The following FUS variants were observed in gnomAD, a reference collection of about 807,000 sequenced individuals.
The protein encoded by FUS is FUS RNA binding protein, also known as RNA-binding protein FUS.
A neutral mutation model predicts 82.7 loss-of-function variants in FUS; 5 were observed. That is an observed-to-expected ratio of 0.06 (90% confidence interval 0.03 to 0.13). The LOEUF (loss-of-function observed/expected upper bound fraction) is 0.13. Among genes scored for constraint, FUS ranks in the 10% least tolerant of loss-of-function variants. The probability of loss-of-function intolerance (pLI) is 1.00; values close to 1 mark genes in which losing one functional copy is unlikely to be tolerated. For synonymous variants in FUS, 281 were observed against 247.4 expected (o/e 1.14, Z -1.27); for missense variants, 512 against 707.8 (o/e 0.72, Z 3.14).
rs1291529679 is a variant in FUS, at chr16:31,191,108, C to T, written c.1539C>T (p.Ser513=). The T allele has an allele frequency of 8.7e-6, 14 of 1,612,512 alleles. No homozygotes were observed. Among genetic ancestry groups the T allele is most frequent in the Non-Finnish European group, 1.2e-5 (14 of 1,179,948 alleles). Reference sequence around the variant, plus strand: ...GCTTTGGCCCTGGCAAGATGGATTCCAGGTAAGACTTTAAATCAGAATAAA... The same window carrying T: ...GCTTTGGCCCTGGCAAGATGGATTCTAGGTAAGACTTTAAATCAGAATAAA... The part of the protein sequence containing the change: ...RGGFGPGKMD[S]RGEHRQDRRE... Residue 513 remains serine, a splice_region_variant and synonymous_variant, in exon 14 of 15, where the codon TCC becomes TCT. Coordinates refer to ENST00000254108, the MANE Select transcript of FUS (RefSeq NM_004960.4).
chr16:31,185,391 T>TA lies in FUS; in HGVS notation c.764+213dup, dbSNP rs938204494. ...CTGAACTCCCATCCATACCACTGAATAGAGATTTTGAGTAATGATACTTGT... is the reference window on the plus strand; with the variant it reads ...CTGAACTCCCATCCATACCACTGAATAAGAGATTTTGAGTAATGATACTTGT... On this transcript the variant is annotated intron_variant, in intron 6 of 14. Transcript: ENST00000254108. 10 of 644,378 alleles carry TA rather than the reference T, an allele frequency of 1.6e-5. No homozygotes were observed. The African/African-American group carries it at 1.6e-4, about 11-fold the overall frequency. The allele number at this position is 644,378 out of a possible 1,614,324, so 39.9% of individuals were successfully genotyped here. A position where few individuals can be genotyped will look rare whatever the true frequency, so the allele number is the denominator to read the frequency against.
At chr16:31,194,133 G>T (rs1439919832), downstream of FUS, 2 of 532,306 alleles carry the variant, frequency 3.8e-6, no homozygotes, top group Non-Finnish European at 7.3e-6. Flanking sequence ...TCCCCATCTT[G>T]TGCCGGGCCT....
chr16:31,187,705 T>C (rs2079290730), intron 7 of FUS: 2 of 234,562 alleles, frequency 8.5e-6, no homozygotes, highest in East Asian at 1.2e-4. Context: ...AAAGATGGTC[T>C]CTGGAAAAAC....
At chr16:31,181,584 CAA>C (rs2079179589) in intron 1 of FUS, among the ~76,000 whole-genome samples, 1 of 152,112 alleles carries the variant, frequency 6.6e-6, no homozygotes, top group Non-Finnish European at 1.5e-5. Flanking sequence ...CGGGATTGGT[CAA>C]AGAGTGAAGA....
chr16:31,186,774 G>A (rs1450112131), intron 6 of FUS, 28 bp from the exon 7 acceptor site: 2 of 1,612,356 alleles, frequency 1.2e-6, no homozygotes. Context: ...GAAGCTTCAT[G>A]TCCTTTCTTC....
Position 31,180,226 on chromosome 16 carries a change from C to A in FUS, c.12C>A (p.Asn4Lys). The A allele has an allele frequency of 6.2e-7, 1 of 1,610,962 alleles. No individual in the cohort carries two copies. The highest frequency in any genetic ancestry group is 8.5e-7 in the Non-Finnish European group (1 of 1,178,650). MAS[N>K]DYTQQATQSY... ...GCGCGTGCGCGGACATGGCCTCAAA[C>A]GGTAGGTAAGGGCGCGAGGCGACGG... Residue 4 changes from asparagine to lysine, a missense_variant and splice_region_variant, in exon 1 of 15, where the codon AAC (asparagine) becomes AAA (lysine). Physicochemically the swap from Asn to Lys is moderately conservative, Grantham distance 94. Transcript: ENST00000254108.
rs775215259 is a variant in FUS at position 31,183,851 on chromosome 16, C to A, written c.191-7C>A. 6.2e-7 allele frequency: 1 copy of A among 1,614,132 alleles called. No homozygotes were observed. The highest frequency in any genetic ancestry group is 8.5e-7 in the Non-Finnish European group (1 of 1,180,034). ...CTTTTGTGACTCCCTTTTTCTTATC[C>A]TGGTAGCAGGCTATGGAACTCAGTC... is the stretch of plus-strand genomic sequence containing the variant. On this transcript the variant is annotated splice_polypyrimidine_tract_variant and splice_region_variant and intron_variant, in intron 3 of 14. Transcript: ENST00000254108.
At chr16:31,186,736 A>G in intron 6 of FUS, 66 bp from the exon 7 acceptor site, 1 of 1,522,042 alleles carries the variant, frequency 6.6e-7, no homozygotes, top group Non-Finnish European at 9.1e-7. Context: ...GTTAAACAAA[A>G]TCAAAAAACA....
chr16:31,189,895 TTAC>T (rs1288024755), intron 10 of FUS, 101 bp downstream of exon 10: 1 of 1,598,978 alleles, frequency 6.3e-7, no homozygotes, highest in African/African-American at 1.3e-5. Context: ...CTTCCAACAC[TTAC>T]TTTAGCTGCG....
chr16:31,181,404 G>T (rs1052185498), intron 1 of FUS, among the ~76,000 whole-genome samples: 7 of 152,174 alleles, frequency 4.6e-5, no homozygotes, highest in African/African-American at 1.7e-4. Flanking sequence ...TGTTCGCTGG[G>T]GGAAGGCAGG....
At chr16:31,187,964 C>G in intron 7 of FUS, 1 of 353,394 alleles carries the variant, frequency 2.8e-6, no homozygotes, top group Non-Finnish European at 5.2e-6. Flanking sequence ...TCTCTTCTCT[C>G]GGGTGAGAGA....
At position 31,183,963 on chromosome 16, in the gene FUS, G is replaced by T; in HGVS notation, c.296G>T (p.Gly99Val). ...SSYGQQSSYP[G>V]YGQQPAPSST... ...TACGGGCAGCAGTCCTCCTACCCTG[G>T]CTATGGCCAGCAGCCAGCTCCCAGC... Residue 99 changes from glycine to valine, a missense_variant, in exon 4 of 15, where the codon GGC becomes GTC. By Grantham distance (109) the Gly-to-Val change is moderately radical (BLOSUM62 -3). Around this residue, in one of 6 missense-constraint regions of FUS, gnomAD observed 276 missense variants for 303.3 expected, o/e 0.91. Transcript: ENST00000254108. 1.2e-6 allele frequency: 2 copies of T among 1,613,998 alleles called. No individual in the cohort carries two copies. Among genetic ancestry groups the T allele is most frequent in the Non-Finnish European group, 1.7e-6 (2 of 1,179,906 alleles).
At chr16:31,181,116 TGTTGG>T (rs1442607318) in intron 1 of FUS, among the ~76,000 whole-genome samples, 1 of 152,180 alleles carries the variant, frequency 6.6e-6, no homozygotes, top group Non-Finnish European at 1.5e-5. Flanking sequence ...GGTTTCACCA[TGTTGG>T]TCAGGCTGGT....
downstream of FUS, chr16:31,191,852 A>T (rs80269012): frequency 7.7e-4 from 423 of 551,258 alleles, 4 homozygotes; most frequent in African/African-American, 6.9e-3. Context: ...AGCTATGGGG[A>T]ATTTTTCCTT....
chr16:31,191,630 C>CT (rs1244246561), downstream of FUS: 9 of 724,680 alleles, frequency 1.2e-5, no homozygotes, highest in African/African-American at 1.7e-5. Context: ...CCCCTTTTCA[C>CT]TTTCCTGGAA....
chr16:31,191,664 TAG>T (rs763390044), downstream of FUS: 9 of 699,260 alleles, frequency 1.3e-5, no homozygotes, highest in South Asian at 1.0e-4. Flanking sequence ...ATCAGGAAGG[TAG>T]AGAGTTTTCC....
chr16:31,181,714 G>T (rs1280177732), intron 1 of FUS, among the ~76,000 whole-genome samples: 1 of 152,194 alleles, frequency 6.6e-6, no homozygotes, highest in Non-Finnish European at 1.5e-5. Context: ...GACGTTGGGA[G>T]AGTTAGTCTC....
chr16:31,187,441 T>G, intron 7 of FUS: 1 of 233,216 alleles, frequency 4.3e-6, no homozygotes, highest in Non-Finnish European at 8.5e-6. Context: ...GTGTGGCTCA[T>G]GGGAAATAAC....
downstream of FUS, chr16:31,194,808 T>G (rs927276092): frequency 4.2e-6 from 2 of 479,738 alleles, no homozygotes; most frequent in African/African-American, 2.0e-5. Flanking sequence ...GTTGCAAATG[T>G]TTTGTGAATA....
Sources: gnomAD v4.1 joint callset for allele counts (sites outside exome capture counted in the v4.1 genomes callset) on GRCh38, gnomAD v4.1.1 for gene constraint, gnomAD v4.1.1 regional missense constraint, MANE v1.5 for transcripts, NCBI Gene and HGNC (gene_info 2026-07-23, HGNC 2026-07-21) for gene names.